Variants in ITIH6 observed in about 807,000 individuals in gnomAD.
ITIH6 encodes the protein inter-alpha-trypsin inhibitor heavy chain family member 6.
In ITIH6, 60 loss-of-function variants were observed where a neutral mutation model predicts 58.2. The observed-to-expected ratio is 1.03, with a 90% CI of 0.84 to 1.28. The LOEUF is 1.28. ITIH6 is among the 50% of genes most tolerant of loss of function. ITIH6 has a pLI of 0.00. For synonymous variants in ITIH6, 493 were observed against 417.4 expected (o/e 1.18, Z -2.21); for missense variants, 1,290 against 1,021.1 (o/e 1.26, Z -3.59).
Position 54,758,849 on chromosome X carries a change from C to T in ITIH6, c.1225G>A (p.Val409Met), listed in dbSNP as rs1928571972. 8.3e-7 allele frequency: 1 copy of T among 1,211,598 alleles called. No individual in the cohort carries two copies. Residue 409 changes from valine (V) to methionine (M), a missense_variant, in exon 8 of 13, where the codon GTG becomes ATG. Physicochemically the swap from Val to Met is conservative, Grantham distance 21. Coordinates refer to ENST00000218436, the MANE Select transcript of ITIH6 (RefSeq NM_198510.3). ...GCCTGACGGACATTGGAGAGGATCA[C>T]ACTGGGGGTCGTCACGCCGGCCGTG... is the stretch of plus-strand genomic sequence containing the variant. Reference protein sequence around the residue: ...EPTAGVTTPSVILSNVRQALG... With the variant: ...EPTAGVTTPSMILSNVRQALG...
intron 8 of ITIH6, 35 bp downstream of exon 8, chrX:54,756,930 C>A (rs774607423): frequency 4.2e-6 from 4 of 959,583 alleles, no homozygotes; most frequent in Non-Finnish European, 4.3e-6. Flanking sequence ...TCATACCTCA[C>A]CCTCATGGCT....
Position 54,790,842 on chromosome X carries a change from T to A in ITIH6, c.611A>T (p.His204Leu), listed in dbSNP as rs1329433966. ...CCATAGTGCTGCCCACATACTTGCA[T>A]GGGCATTGGTGCGCAGACGGCCGGT... ...LRTGRLRTNA[H>L]ASEVDSPPST... Residue 204 changes from histidine to leucine, a missense_variant, in exon 4 of 13, where the codon CAT becomes CTT. Transcript: ENST00000218436. 1.7e-5 allele frequency: 20 copies of A among 1,212,020 alleles called. No homozygotes were observed. The East Asian group carries it at 5.6e-4, about 34-fold the overall frequency.
At position 54,798,167 on chromosome X, in the gene ITIH6, G is replaced by A; in HGVS notation, c.44C>T (p.Thr15Ile). The A allele has an allele frequency of 8.4e-7, 1 of 1,188,626 alleles. No homozygotes were observed. Among genetic ancestry groups the A allele is most frequent in the Non-Finnish European group, 1.1e-6 (1 of 884,247 alleles). Residue 15 changes from threonine (T) to isoleucine (I), a missense_variant, in exon 1 of 13, where the codon ACC becomes ATC. Coordinates refer to ENST00000218436, the MANE Select transcript of ITIH6 (RefSeq NM_198510.3). ...CTGGTATGTCAGTTCAAGAAGAATG[G>A]TCAGCAAAAAGCTGACACAGATGAG... Reference protein sequence around the residue: ...RYLICVSFLLTILLELTYQGP... With the variant: ...RYLICVSFLLIILLELTYQGP...
chrX:54,772,007 A>C (rs1166689929), intron 6 of ITIH6, among the ~76,000 whole-genome samples: 6 of 112,155 alleles, frequency 5.3e-5, no homozygotes, highest in Non-Finnish European at 1.1e-4. Context: ...GTATATACCC[A>C]AAGGAATGTA....
intron 4 of ITIH6, among the ~76,000 whole-genome samples, chrX:54,789,619 A>C (rs1245484690): frequency 9.0e-5 from 10 of 111,035 alleles, no homozygotes; most frequent in African/African-American, 3.0e-4. Flanking sequence ...TCCAGGTTCC[A>C]GCTGCTGCTG....
At chrX:54,767,384 A>G (rs1299065333) in intron 6 of ITIH6, among the ~76,000 whole-genome samples, 2 of 105,544 alleles carry the variant, frequency 1.9e-5, no homozygotes, top group Non-Finnish European at 3.8e-5. Flanking sequence ...TTGTGTCTCT[A>G]TTTCCTTCAG....
At position 54,758,697 on chromosome X, in the gene ITIH6, G is replaced by A; in HGVS notation, c.1377C>T (p.Ala459=). 1 of 1,211,403 alleles carries A rather than the reference G, an allele frequency of 8.3e-7. No homozygotes were observed. The highest frequency in any genetic ancestry group is 1.1e-6 in the Non-Finnish European group (1 of 895,358). Residue 459 remains alanine (A), a synonymous_variant, in exon 8 of 13, where the codon GCC becomes GCT. Coordinates refer to ENST00000218436, the MANE Select transcript of ITIH6 (RefSeq NM_198510.3). ...CCTCATAGAGGCCCTTCAGCTGTAG[G>A]GCCGCATCAGTGTCCTCATATATGC... is the stretch of plus-strand genomic sequence containing the variant. The part of the protein sequence containing the change: ...ARRIYEDTDA[A]LQLKGLYEEI...
At position 54,749,974 on chromosome X, in the gene ITIH6, C is replaced by T. The variant is rs137911364; in HGVS notation, c.3863G>A (p.Arg1288His). 6.9e-5 allele frequency: 84 copies of T among 1,209,768 alleles called. No individual in the cohort carries two copies. Among genetic ancestry groups the T allele is most frequent in the Middle Eastern group, 2.3e-4 (1 of 4,356 alleles). Residue 1288 changes from arginine to histidine, a missense_variant, in exon 13 of 13, where the codon CGC (arginine) becomes CAC (histidine). Coordinates refer to ENST00000218436, the MANE Select transcript of ITIH6 (RefSeq NM_198510.3). ...CTTCACCAGCCAGCAGGAAGCCCAG[C>T]GGGGCAGCAGCCTTGGTGAGTCCTT... ...LLKDSPRLLP[R>H]WASCWLVKRS... is the part of the protein sequence containing the mutation.
chrX:54,753,352 C>A (rs772962055), intron 11 of ITIH6, among the ~76,000 whole-genome samples: 43 of 112,603 alleles, frequency 3.8e-4, no homozygotes, highest in Admixed American at 1.1e-3. Flanking sequence ...TGTTGAGAAA[C>A]AATGTTTATG....
intron 6 of ITIH6, among the ~76,000 whole-genome samples, chrX:54,762,406 C>T (rs991577019): frequency 1.8e-5 from 2 of 111,791 alleles, no homozygotes; most frequent in Admixed American, 9.5e-5. Context: ...GTCTTTATAG[C>T]TGCCTTTCAA....
intron 2 of ITIH6, among the ~76,000 whole-genome samples, chrX:54,794,016 G>A (rs1047343888): frequency 1.8e-5 from 2 of 111,839 alleles, no homozygotes; most frequent in African/African-American, 6.5e-5. Flanking sequence ...CTGAGGCACA[G>A]GTATCAGGAA....
At chrX:54,754,903 A>G (rs1928455520) in intron 9 of ITIH6, 114 bp downstream of exon 9, 1 of 537,998 alleles carries the variant, frequency 1.9e-6, no homozygotes, top group Non-Finnish European at 3.1e-6. Flanking sequence ...ATGTTACACA[A>G]CAATAGAAAA....
intron 6 of ITIH6, among the ~76,000 whole-genome samples, chrX:54,768,024 C>T (rs201705844): frequency 0.027 from 2,021 of 73,745 alleles, no homozygotes; most frequent in African/African-American, 0.079. Flanking sequence ...GTGTGGGAGT[C>T]TAAGTCTCTT....
intron 8 of ITIH6, among the ~76,000 whole-genome samples, chrX:54,755,689 G>A (rs906022510): frequency 1.8e-5 from 2 of 110,274 alleles, no homozygotes; most frequent in African/African-American, 6.6e-5. Flanking sequence ...GTCCCTGAGT[G>A]GAGATGGGGT....
At chrX:54,763,730 T>C (rs1183605514) in intron 6 of ITIH6, among the ~76,000 whole-genome samples, 1 of 112,008 alleles carries the variant, frequency 8.9e-6, no homozygotes, top group East Asian at 2.8e-4. Context: ...TTACTGATTT[T>C]CTGCCTGCTG....
At chrX:54,789,677 A>G (rs1929308160) in intron 4 of ITIH6, among the ~76,000 whole-genome samples, 1 of 111,862 alleles carries the variant, frequency 8.9e-6, no homozygotes, top group African/African-American at 3.2e-5. Flanking sequence ...CTGGCTCCTC[A>G]TCTACAGCAC....
intron 6 of ITIH6, among the ~76,000 whole-genome samples, chrX:54,768,741 GA>G (rs1349244112): frequency 9.7e-6 from 1 of 103,190 alleles, no homozygotes; most frequent in Non-Finnish European, 2.0e-5. Flanking sequence ...TTTCTGCCGA[GA>G]GATCCGCTGT....
intron 6 of ITIH6, among the ~76,000 whole-genome samples, chrX:54,770,110 G>T (rs1276821631): frequency 8.9e-6 from 1 of 112,597 alleles, no homozygotes; most frequent in Admixed American, 9.3e-5. Flanking sequence ...GGTCTGAAAA[G>T]CGCAATATTC....
intron 4 of ITIH6, 105 bp from the exon 5 acceptor site, chrX:54,788,754 G>T: frequency 1.6e-6 from 1 of 626,879 alleles, no homozygotes; most frequent in Non-Finnish European, 2.5e-6. Flanking sequence ...AGGGTGAGAA[G>T]TCTAACTCTT....
Sources: allele counts gnomAD v4.1 joint callset (sites outside exome capture counted in the v4.1 genomes callset), GRCh38; gene constraint gnomAD v4.1.1; transcripts MANE v1.5; gene names NCBI Gene and HGNC (gene_info 2026-07-23, HGNC 2026-07-21).